PCDHA3: variants seen among roughly 807,000 people sequenced by gnomAD.
PCDHA3 encodes the protein protocadherin alpha-3.
PCDHA3 carries 41 observed loss-of-function variants against 62.2 expected under a neutral mutation model. The observed-to-expected ratio is 0.66, with a 90% CI of 0.51 to 0.86. The LOEUF (loss-of-function observed/expected upper bound fraction) is 0.86. PCDHA3 is among the 40% of genes least tolerant of loss of function. The pLI, the probability that PCDHA3 is intolerant of heterozygous loss-of-function variation, is 0.00. For missense variants in PCDHA3, 1,304 were observed against 1,241.2 expected (o/e 1.05, Z -0.76); for synonymous variants, 640 against 555.4 (o/e 1.15, Z -2.14).
intron 1 of PCDHA3, chr5:140,856,080 A>G: frequency 6.3e-7 from 1 of 1,594,626 alleles, no homozygotes; most frequent in African/African-American, 1.3e-5. Context: ...CTGGGGGTCC[A>G]GTGTCTGCTG....
intron 1 of PCDHA3, among the ~76,000 whole-genome samples, chr5:140,873,079 TC>T (rs544069393): frequency 1.1e-4 from 17 of 152,076 alleles, no homozygotes; most frequent in Admixed American, 4.6e-4. Context: ...TCTAGCTATT[TC>T]CCCCCCGTAT....
intron 1 of PCDHA3, chr5:140,813,683 A>C (rs1231151598): frequency 6.6e-6 from 1 of 152,204 alleles, no homozygotes; most frequent in African/African-American, 2.4e-5. Context: ...TTTAGGCTAC[A>C]CTCAATTTAT....
chr5:140,980,575 A>C (rs901433332), intron 2 of PCDHA3, among the ~76,000 whole-genome samples: 3 of 152,296 alleles, frequency 2.0e-5, no homozygotes, highest in Admixed American at 1.3e-4. Context: ...AGTTGCAGTG[A>C]GCCAAGATCG....
chr5:140,903,524 A>T (rs2070355065), intron 1 of PCDHA3, among the ~76,000 whole-genome samples: 1 of 152,156 alleles, frequency 6.6e-6, no homozygotes, highest in Non-Finnish European at 1.5e-5. Flanking sequence ...TGTGTTGTTC[A>T]CTTTAAACTA....
chr5:140,856,559 C>G lies in PCDHA3; in HGVS notation c.2394+52968C>G, dbSNP rs782226001. On this transcript the variant is annotated intron_variant, in intron 1 of 3. Coordinates refer to ENST00000522353, the MANE Select transcript of PCDHA3 (RefSeq NM_018906.3). ...AGAGAACGCATTGCTTACTTACAAACTCAGTCCAAATGAGTATTTTGTTCT... is the reference window on the plus strand; with the variant it reads ...AGAGAACGCATTGCTTACTTACAAAGTCAGTCCAAATGAGTATTTTGTTCT... 6 of 1,597,988 alleles carry G rather than the reference C, an allele frequency of 3.8e-6. No homozygotes were observed. In the Middle Eastern group the frequency reaches 5.0e-4, roughly 133 times the overall value.
rs1019436942 is a variant in PCDHA3, at chr5:140,858,638, T to C, written c.2394+55047T>C. On this transcript the variant is annotated intron_variant, in intron 1 of 3. Transcript: ENST00000522353. ...TCCTACCCAGTGTGTCAGCCTTTGATTGGTACTTAAATTTTTTTAAATAAC... is the reference window on the plus strand; with the variant it reads ...TCCTACCCAGTGTGTCAGCCTTTGACTGGTACTTAAATTTTTTTAAATAAC... 30 of 971,874 alleles carry C rather than the reference T, an allele frequency of 3.1e-5. 2 individuals carry two copies. The highest frequency in any genetic ancestry group is 4.0e-5 in the Non-Finnish European group (27 of 675,162). 60.2% of individuals were successfully genotyped at this position (971,874 alleles called of 1,614,324 possible). A position where few individuals can be genotyped will look rare whatever the true frequency, so the allele number is the denominator to read the frequency against.
chr5:140,985,170 C>T (rs1465909141), intron 3 of PCDHA3, among the ~76,000 whole-genome samples: 12 of 152,168 alleles, frequency 7.9e-5, no homozygotes, highest in African/African-American at 2.9e-4. Flanking sequence ...ATCTCCTGAC[C>T]TCGTAATCCG....
At chr5:140,937,945 G>T (rs1464890227) in intron 1 of PCDHA3, among the ~76,000 whole-genome samples, 1 of 151,840 alleles carries the variant, frequency 6.6e-6, no homozygotes, top group Non-Finnish European at 1.5e-5. Context: ...TTGATAATTG[G>T]CTTTTGTTGA....
chr5:140,900,586 AC>A (rs1554189274), intron 1 of PCDHA3, among the ~76,000 whole-genome samples: 1 of 151,926 alleles, frequency 6.6e-6, no homozygotes, highest in African/African-American at 2.4e-5. Flanking sequence ...CATTTTCTTT[AC>A]CCGTTCATCT....
At chr5:140,827,578 T>C (rs1769338145) in intron 1 of PCDHA3, among the ~76,000 whole-genome samples, 1 of 152,224 alleles carries the variant, frequency 6.6e-6, no homozygotes, top group African/African-American at 2.4e-5. Context: ...TATAATAGCA[T>C]GTCCTAGGAA....
intron 1 of PCDHA3, chr5:140,884,234 G>T (rs375170723): frequency 3.7e-6 from 6 of 1,613,500 alleles, no homozygotes; most frequent in Non-Finnish European, 4.2e-6. Context: ...GGACCACGGT[G>T]AGCCCGCGCT....
chr5:141,000,422 T>TATATA (rs1491457105), intron 3 of PCDHA3, among the ~76,000 whole-genome samples: 1 of 51,852 alleles, frequency 1.9e-5, no homozygotes, highest in Non-Finnish European at 3.5e-5. Flanking sequence ...TATATATATA[T>TATATA]TTTTTTTTTT....
At chr5:140,967,733 C>T (rs1473723959) in intron 1 of PCDHA3, 7 of 1,614,024 alleles carry the variant, frequency 4.3e-6, no homozygotes, top group Non-Finnish European at 5.9e-6. Context: ...AATTGGGGGG[C>T]TGGATTATGA....
intron 1 of PCDHA3, among the ~76,000 whole-genome samples, chr5:140,887,521 T>C (rs561642770): frequency 1.3e-5 from 2 of 152,346 alleles, no homozygotes; most frequent in Admixed American, 1.3e-4. Flanking sequence ...TTTTTATATA[T>C]GAGTCTTCCT....
chr5:140,819,407 A>G lies in PCDHA3; in HGVS notation c.2394+15816A>G, dbSNP rs143738403. 1.3e-3 allele frequency among the ~76,000 whole-genome samples: 191 copies of G among 152,278 alleles called. 1 individual carries two copies. The highest frequency in any genetic ancestry group is 4.1e-3 in the African/African-American group (169 of 41,568). ...AAGGCTTTTAGTGAATTAAATGGAGACACTTTAATATACTACACAGTTTTA... is the reference window on the plus strand; with the variant it reads ...AAGGCTTTTAGTGAATTAAATGGAGGCACTTTAATATACTACACAGTTTTA... On this transcript the variant is annotated intron_variant, in intron 1 of 3. Coordinates refer to ENST00000522353, the MANE Select transcript of PCDHA3 (RefSeq NM_018906.3).
chr5:141,004,037 G>A (rs946974688), intron 3 of PCDHA3, among the ~76,000 whole-genome samples: 1 of 152,200 alleles, frequency 6.6e-6, no homozygotes, highest in African/African-American at 2.4e-5. Flanking sequence ...TTCCTTGATT[G>A]ATCATTTGCT....
At chr5:140,877,149 C>T in intron 1 of PCDHA3, 5 of 1,613,766 alleles carry the variant, frequency 3.1e-6, no homozygotes, top group Non-Finnish European at 4.2e-6. Flanking sequence ...TGGACGAGAA[C>T]GACAACGCGC....
chr5:140,809,658 T>G (rs1554125340), intron 1 of PCDHA3: 2 of 1,487,350 alleles, frequency 1.3e-6, no homozygotes, highest in East Asian at 4.6e-5. Flanking sequence ...GAGTCAAATT[T>G]CCCTGGGTTA....
chr5:141,009,062 A>G (rs1466818539), intron 3 of PCDHA3, among the ~76,000 whole-genome samples: 1 of 152,240 alleles, frequency 6.6e-6, no homozygotes, highest in East Asian at 1.9e-4. Context: ...TCACAACTGT[A>G]TTCTTTAGGA....
Sources: gnomAD v4.1 joint callset for allele counts (sites outside exome capture counted in the v4.1 genomes callset) on GRCh38, gnomAD v4.1.1 for gene constraint, MANE v1.5 for transcripts, NCBI Gene and HGNC (gene_info 2026-07-23, HGNC 2026-07-21) for gene names.